RELCH: variants seen among roughly 807,000 people sequenced by gnomAD.
The protein encoded by RELCH is RAB11 binding and LisH domain, coiled-coil and HEAT repeat containing, also known as RAB11-binding protein RELCH.
In RELCH, 41 loss-of-function variants were observed where a neutral mutation model predicts 150.3. The ratio of observed to expected loss-of-function variants is 0.27; its 90% confidence interval spans 0.21 to 0.35. The LOEUF (loss-of-function observed/expected upper bound fraction) is 0.35, where lower values mean the gene tolerates loss of function less well. Ranked by LOEUF, RELCH falls within the 10% of genes least tolerant of loss-of-function variation. The pLI, the probability that RELCH is intolerant of heterozygous loss-of-function variation, is 1.00. For missense variants in RELCH, 1,092 were observed against 1,467.8 expected (o/e 0.74, Z 4.18); for synonymous variants, 478 against 531.8 (o/e 0.90, Z 1.39).
At chr18:62,273,392 T>G (rs1362523660) in intron 20 of RELCH, among the ~76,000 whole-genome samples, 1 of 152,204 alleles carries the variant, frequency 6.6e-6, no homozygotes, top group South Asian at 2.1e-4. Context: ...AGTGTGCAGT[T>G]TTCACCACTA....
intron 1 of RELCH, among the ~76,000 whole-genome samples, chr18:62,201,286 T>A (rs11661576): frequency 0.32 from 48,227 of 151,992 alleles, 8,236 homozygotes; most frequent in East Asian, 0.59. Context: ...GAATAACATT[T>A]TAAAATGTTT....
At chr18:62,221,313 A>T (rs779828293) in intron 4 of RELCH, 39 bp downstream of exon 4, 2 of 1,555,966 alleles carry the variant, frequency 1.3e-6, no homozygotes, top group Non-Finnish European at 8.9e-7. Flanking sequence ...AATCTTCCAC[A>T]TTAAATGGTA....
chr18:62,193,703 G>A (rs1162808923), intron 1 of RELCH, among the ~76,000 whole-genome samples: 4 of 152,140 alleles, frequency 2.6e-5, no homozygotes, highest in Admixed American at 2.6e-4. Flanking sequence ...TTGCAACTCA[G>A]GGATGAAGCC....
intron 1 of RELCH, among the ~76,000 whole-genome samples, chr18:62,196,626 A>G (rs189083165): frequency 6.6e-6 from 1 of 152,274 alleles, no homozygotes; most frequent in East Asian, 1.9e-4. Flanking sequence ...AAATATATCT[A>G]CTGTGTAACT....
intron 11 of RELCH, among the ~76,000 whole-genome samples, chr18:62,251,211 C>G (rs966253328): frequency 1.3e-5 from 2 of 152,184 alleles, no homozygotes; most frequent in African/African-American, 4.8e-5. Flanking sequence ...GGTCAGGAAT[C>G]TGGGTCCTCT....
Position 62,305,344 on chromosome 18 carries a change from T to C in RELCH, c.3531-70T>C, listed in dbSNP as rs917661176. On this transcript the variant is annotated intron_variant, in intron 28 of 28. Coordinates refer to ENST00000644646, the MANE Select transcript of RELCH (RefSeq NM_001346231.2). The surrounding 1 kb of genome is among the most constrained non-coding windows in gnomAD (Gnocchi z 4.0). ...ATTCAGAGTGTGTTCGTTAATGATA[T>C]GCTACTAAATAAATGAAAAATTTTT... The C allele has an allele frequency of 2.8e-5, 38 of 1,353,754 alleles. No homozygotes were observed. The African/African-American group carries it at 4.8e-4, about 17-fold the overall frequency. The allele number at this position is 1,353,754 out of a possible 1,614,324, so 83.9% of individuals were successfully genotyped here. A position where few individuals can be genotyped will look rare whatever the true frequency, so the allele number is the denominator to read the frequency against.
At chr18:62,290,608 A>G (rs1428531354) in intron 26 of RELCH, among the ~76,000 whole-genome samples, 1 of 152,244 alleles carries the variant, frequency 6.6e-6, no homozygotes, top group African/African-American at 2.4e-5. Context: ...CTAGCTTTAC[A>G]GGCTAGAATA....
rs141892890 is a variant in RELCH, at chr18:62,242,757, C to T, written c.1621-2007C>T. Among the ~76,000 whole-genome samples the T allele has an allele frequency of 1.1e-4, 16 of 152,046 alleles. No homozygotes were observed. The East Asian group carries it at 1.4e-3, about 13-fold the overall frequency. ...AAGCAAAAGAAAGTAAAATATAAGGCGTAAAGGATAAAGAGCAACACAGTT... is the reference window on the plus strand; with the variant it reads ...AAGCAAAAGAAAGTAAAATATAAGGTGTAAAGGATAAAGAGCAACACAGTT... On this transcript the variant is annotated intron_variant, in intron 10 of 28. Coordinates refer to ENST00000644646, the MANE Select transcript of RELCH (RefSeq NM_001346231.2).
chr18:62,286,986 G>A (rs9954480), intron 25 of RELCH, among the ~76,000 whole-genome samples: 32,890 of 152,004 alleles, frequency 0.22, 4,013 homozygotes, highest in African/African-American at 0.33. Flanking sequence ...TATTTTTATG[G>A]AGAAACTTAA....
At chr18:62,229,487 T>G (rs923721943) in intron 8 of RELCH, among the ~76,000 whole-genome samples, 25 of 87,610 alleles carry the variant, frequency 2.9e-4, no homozygotes, top group African/African-American at 1.1e-3. Flanking sequence ...ATAGTAGGGG[T>G]GTGTGTGTGT....
Position 62,228,507 on chromosome 18 carries a change from T to A in RELCH, c.1357T>A (p.Ser453Thr). 1 of 1,613,144 alleles carries A rather than the reference T, an allele frequency of 6.2e-7. No individual in the cohort carries two copies. Among genetic ancestry groups the A allele is most frequent in the Non-Finnish European group, 8.5e-7 (1 of 1,179,526 alleles). The change falls in exon 8 of 29, where the codon TCC becomes ACC. Residue 453 changes from serine to threonine, a missense_variant. Ser to Thr is a moderately conservative substitution (Grantham distance 58). Transcript: ENST00000644646. Reference protein sequence around the residue: ...EADSTIPKENSPNSFPRRERE... With the variant: ...EADSTIPKENTPNSFPRRERE... ...TGATTCCACTATTCCTAAAGAGAATTCCCCAAATTCATTCCCCAGGAGAGA... is the reference window on the plus strand; with the variant it reads ...TGATTCCACTATTCCTAAAGAGAATACCCCAAATTCATTCCCCAGGAGAGA...
At chr18:62,204,606 A>G (rs975722967) in intron 1 of RELCH, among the ~76,000 whole-genome samples, 4 of 152,072 alleles carry the variant, frequency 2.6e-5, no homozygotes, top group Non-Finnish European at 5.9e-5. Context: ...GATGATAGCC[A>G]TGAGTCACCA....
At chr18:62,241,564 A>G (rs1013237732) in intron 10 of RELCH, among the ~76,000 whole-genome samples, 2 of 152,146 alleles carry the variant, frequency 1.3e-5, no homozygotes, top group African/African-American at 4.8e-5. Context: ...TAATATGCCT[A>G]AGGATTTTTT....
chr18:62,231,888 A>G (rs1396398301), intron 9 of RELCH, among the ~76,000 whole-genome samples: 1 of 152,014 alleles, frequency 6.6e-6, no homozygotes, highest in Non-Finnish European at 1.5e-5. Flanking sequence ...GGCAATCCTC[A>G]TTATAAGACT....
intron 26 of RELCH, among the ~76,000 whole-genome samples, chr18:62,290,228 G>A (rs1291921577): frequency 6.6e-6 from 1 of 152,050 alleles, no homozygotes. Context: ...ACTCATTTAA[G>A]TCATCTAATT....
chr18:62,217,588 A>T (rs2040564899), intron 2 of RELCH, among the ~76,000 whole-genome samples: 1 of 151,992 alleles, frequency 6.6e-6, no homozygotes, highest in African/African-American at 2.4e-5. Flanking sequence ...TGAAATCCAT[A>T]GATAATATTG....
intron 1 of RELCH, among the ~76,000 whole-genome samples, chr18:62,194,737 A>ATTATAATCT (rs2038904315): frequency 6.6e-6 from 1 of 152,210 alleles, no homozygotes; most frequent in South Asian, 2.1e-4. Flanking sequence ...TTGTTGGTTG[A>ATTATAATCT]TTATAAACGG....
rs1028530977 is a variant in RELCH at position 62,307,507 on chromosome 18, G to C, written c.*1973G>C. On this transcript the variant is annotated 3_prime_UTR_variant, in exon 29 of 29. Coordinates refer to ENST00000644646, the MANE Select transcript of RELCH (RefSeq NM_001346231.2). ...AAGATTCACAGTGTATTTCAAGTGA[G>C]AGTCTCTTTTCTTAAATATTTTAAT... 1 of 152,064 alleles carries C rather than the reference G, an allele frequency of 6.6e-6. No individual in the cohort carries two copies. The highest frequency in any genetic ancestry group is 1.5e-5 in the Non-Finnish European group (1 of 67,976). 9.4% of individuals were successfully genotyped at this position (152,064 alleles called of 1,614,324 possible).
intron 25 of RELCH, among the ~76,000 whole-genome samples, chr18:62,283,393 T>C (rs1294680135): frequency 2.0e-5 from 3 of 152,200 alleles, no homozygotes; most frequent in African/African-American, 7.2e-5. Flanking sequence ...TCAGTTATCA[T>C]AGCTCTTTTA....
Sources: allele counts gnomAD v4.1 joint callset (sites outside exome capture counted in the v4.1 genomes callset), GRCh38; gene constraint gnomAD v4.1.1; non-coding constraint Gnocchi (gnomAD v3.1); transcripts MANE v1.5; gene names NCBI Gene and HGNC (gene_info 2026-07-23, HGNC 2026-07-21).